HIVEP1: variants seen among roughly 807,000 people sequenced by gnomAD.
HIVEP1 encodes the protein HIVEP zinc finger 1, also known as zinc finger protein 40.
Under a neutral mutation model 180.0 loss-of-function variants are expected in HIVEP1, and 36 were observed. The ratio of observed to expected loss-of-function variants is 0.20; its 90% CI spans 0.15 to 0.26. The LOEUF is 0.26. Ranked by LOEUF, HIVEP1 falls within the 10% of genes least tolerant of loss-of-function variation. The pLI is 1.00. For synonymous variants in HIVEP1, 1,239 were observed against 1,239.0 expected, an observed-to-expected ratio of 1.00 and a Z score of 0.00; for missense variants, 3,143 against 3,268.7, an observed-to-expected ratio of 0.96 and a Z score of 0.94.
At chr6:12,131,031 A>C in intron 6 of HIVEP1, 89 bp downstream of exon 6, 2 of 854,732 alleles carry the variant, frequency 2.3e-6, no homozygotes, top group Non-Finnish European at 1.8e-6. Context: ...TTGACCGATG[A>C]AATAGCAGCT....
the HIVEP1 span, among the ~76,000 whole-genome samples, chr6:12,174,606 C>G: frequency 6.6e-6 from 1 of 152,024 alleles, no homozygotes; most frequent in African/African-American, 2.4e-5. Context: ...TCCTGTGAAC[C>G]CTTTGTTGTC....
the HIVEP1 span, among the ~76,000 whole-genome samples, chr6:12,194,361 CAG>C: frequency 4.9e-3 from 720 of 146,476 alleles, 1 homozygote; most frequent in African/African-American, 9.0e-3. Context: ...AAGGAGAGTA[CAG>C]AGAGAGAGAG....
At chr6:12,207,654 G>A in the HIVEP1 span, among the ~76,000 whole-genome samples, 3 of 151,546 alleles carry the variant, frequency 2.0e-5, no homozygotes, top group African/African-American at 7.3e-5. Flanking sequence ...CTGTAAATCC[G>A]AGAACTTTGG....
Position 12,025,091 on chromosome 6 carries a change from G to A in HIVEP1, c.40+9423G>A, listed in dbSNP as rs1294413493. 2.6e-5 allele frequency among the ~76,000 whole-genome samples: 4 copies of A among 152,192 alleles called. No homozygotes were observed. The East Asian group carries it at 7.7e-4, about 29-fold the overall frequency. ...CTTTTATGATTCCCATTTTATAGAT[G>A]TGGAAATGAGGCACAGAAAGATTGC... is the stretch of plus-strand genomic sequence containing the variant. On this transcript the variant is annotated intron_variant, in intron 2 of 8. Coordinates refer to ENST00000379388, the MANE Select transcript of HIVEP1 (RefSeq NM_002114.4).
In HIVEP1 at chr6:12,120,615, C is replaced by G. The variant is rs998397777; in HGVS notation, c.820C>G (p.Gln274Glu). 2 of 1,614,154 alleles carry G rather than the reference C, an allele frequency of 1.2e-6. No individual in the cohort carries two copies. The highest frequency in any genetic ancestry group is 1.7e-6 in the Non-Finnish European group (2 of 1,180,006). Residue 274 changes from glutamine to glutamate, a missense_variant, in exon 4 of 9, where the codon CAA becomes GAA. Physicochemically the swap from Gln to Glu is conservative, Grantham distance 29 (BLOSUM62 2). This residue lies in a region of HIVEP1 where 306 missense variants were observed against 310.6 expected (regional missense o/e 0.99). Transcript: ENST00000379388. ...TATGTCTGCTGCTCAGAAGAATGAG[C>G]AAGGGGCAATGCAGTCAGCTTCTCA... is the stretch of plus-strand genomic sequence containing the variant. ...VHMSAAQKNE[Q>E]GAMQSASHLY...
chr6:12,072,886 A>G (rs1214720074), intron 2 of HIVEP1, among the ~76,000 whole-genome samples: 4 of 151,594 alleles, frequency 2.6e-5, no homozygotes, highest in African/African-American at 9.7e-5. Flanking sequence ...ATTATTTCCT[A>G]TATATTATAG....
At chr6:12,195,118 G>A in the HIVEP1 span, among the ~76,000 whole-genome samples, 2 of 152,138 alleles carry the variant, frequency 1.3e-5, no homozygotes, top group Non-Finnish European at 2.9e-5. Flanking sequence ...TTAGAAATAC[G>A]TTTTCATCTC....
At chr6:12,086,574 G>T (rs2113313623) in intron 2 of HIVEP1, among the ~76,000 whole-genome samples, 1 of 152,082 alleles carries the variant, frequency 6.6e-6, no homozygotes, top group Non-Finnish European at 1.5e-5. Flanking sequence ...GACTTACGGT[G>T]AGAGATGTGA....
chr6:12,171,048 G>T, the HIVEP1 span, among the ~76,000 whole-genome samples: 1 of 152,132 alleles, frequency 6.6e-6, no homozygotes, highest in Non-Finnish European at 1.5e-5. Flanking sequence ...GGCTGAATAT[G>T]AATAAGACAA....
rs75028515 is a variant in HIVEP1, at chr6:12,163,506, T to C, written c.7202T>C (p.Val2401Ala). 2.1e-3 allele frequency: 3,467 copies of C among 1,614,182 alleles called. 10 individuals carry two copies. Among genetic ancestry groups the C allele is most frequent in the Non-Finnish European group, 2.7e-3 (3,156 of 1,180,014 alleles). Residue 2401 changes from valine (V) to alanine (A), a missense_variant, in exon 9 of 9, where the codon GTT becomes GCT. This residue lies in a region of HIVEP1 where 595 missense variants were observed against 602.2 expected (regional missense o/e 0.99). Transcript: ENST00000379388. ...AGGACACCTTATAATATGGTTCCAG[T>C]TGGGGGGATCCATGTGGTACCTGCT... ...QSRTPYNMVP[V>A]GGIHVVPAGL...
the HIVEP1 span, among the ~76,000 whole-genome samples, chr6:12,172,219 G>A: frequency 6.6e-6 from 1 of 152,158 alleles, no homozygotes; most frequent in Non-Finnish European, 1.5e-5. Context: ...TCTCTGAGAA[G>A]CTAGGGCTGT....
intron 2 of HIVEP1, among the ~76,000 whole-genome samples, chr6:12,021,095 G>A (rs1399605652): frequency 6.6e-6 from 1 of 151,958 alleles, no homozygotes; most frequent in Non-Finnish European, 1.5e-5. Flanking sequence ...TTTTCACCAC[G>A]TTGGCCAGGC....
intron 3 of HIVEP1, among the ~76,000 whole-genome samples, chr6:12,090,184 A>C (rs1217667109): frequency 6.6e-6 from 1 of 152,166 alleles, no homozygotes; most frequent in African/African-American, 2.4e-5. Context: ...GTTAATGAGC[A>C]AAATTGATTA....
At chr6:12,158,693 C>A (rs533681992) in intron 7 of HIVEP1, among the ~76,000 whole-genome samples, 34 of 152,212 alleles carry the variant, frequency 2.2e-4, no homozygotes, top group African/African-American at 7.5e-4. Flanking sequence ...GTAATCCTGT[C>A]CCTCCCCAAG....
chr6:12,174,041 A>C, the HIVEP1 span, among the ~76,000 whole-genome samples: 1 of 152,216 alleles, frequency 6.6e-6, no homozygotes, highest in African/African-American at 2.4e-5. Flanking sequence ...CTATACTTTC[A>C]TTACACAGCA....
intron 2 of HIVEP1, among the ~76,000 whole-genome samples, chr6:12,016,566 G>A (rs2113570686): frequency 7.2e-6 from 1 of 139,076 alleles, no homozygotes; most frequent in African/African-American, 2.6e-5. Context: ...GTCACCATAA[G>A]GTGATCTTTG....
At chr6:12,008,362 T>C (rs1767111745), upstream of HIVEP1, 1 of 152,170 alleles carries the variant, frequency 6.6e-6, no homozygotes, top group Non-Finnish European at 1.5e-5. Context: ...GGAAACATAC[T>C]CCACCACCAT....
chr6:12,134,341 C>T (rs145575201), intron 6 of HIVEP1, among the ~76,000 whole-genome samples: 3 of 152,254 alleles, frequency 2.0e-5, no homozygotes, highest in African/African-American at 4.8e-5. Context: ...CATCTGGTCT[C>T]GGCATCCTCT....
At chr6:12,069,646 G>C (rs61235321) in intron 2 of HIVEP1, among the ~76,000 whole-genome samples, 7,132 of 151,038 alleles carry the variant, frequency 0.047, 219 homozygotes, top group Middle Eastern at 0.14. Flanking sequence ...TGGGTGCAGC[G>C]CACCAGCATG....
Sources: allele counts gnomAD v4.1 joint callset (sites outside exome capture counted in the v4.1 genomes callset), GRCh38; gene constraint gnomAD v4.1.1; regional missense constraint gnomAD v4.1.1; transcripts MANE v1.5; gene names NCBI Gene and HGNC (gene_info 2026-07-23, HGNC 2026-07-21).